Variants in DMXL2 observed in about 807,000 individuals in gnomAD.
DMXL2 encodes the protein dmX-like protein 2.
DMXL2 carries 103 observed loss-of-function variants against 331.1 expected under a neutral mutation model. The observed-to-expected ratio is 0.31, with a 90% CI of 0.27 to 0.37. The LOEUF (loss-of-function observed/expected upper bound fraction) is 0.37. Ranked by LOEUF, DMXL2 falls within the 10% of genes least tolerant of loss-of-function variation. The pLI is 1.00. For synonymous variants in DMXL2, 1,281 were observed against 1,252.1 expected (o/e 1.02, Z -0.49); for missense variants, 3,171 against 3,642.9 (o/e 0.87, Z 3.33).
intron 1 of DMXL2, among the ~76,000 whole-genome samples, chr15:51,618,035 C>G (rs574560666): frequency 6.6e-6 from 1 of 152,294 alleles, no homozygotes; most frequent in South Asian, 2.1e-4. Context: ...TCTTAGAAAA[C>G]AAGTCCATTC....
chr15:51,558,137 C>T (rs2049720776), intron 6 of DMXL2, among the ~76,000 whole-genome samples: 2 of 152,142 alleles, frequency 1.3e-5, no homozygotes, highest in Admixed American at 1.3e-4. Context: ...CCCTCACCTG[C>T]CTTCAAATGA....
At chr15:51,565,223 T>C (rs1002114190) in intron 3 of DMXL2, 57 bp from the exon 4 acceptor site, 1 of 1,169,028 alleles carries the variant, frequency 8.6e-7, no homozygotes, top group Non-Finnish European at 1.2e-6. Flanking sequence ...TTTCAAATAA[T>C]ATCCCAAAAC....
At chr15:51,555,691 T>C (rs1003679602) in intron 6 of DMXL2, among the ~76,000 whole-genome samples, 2 of 152,180 alleles carry the variant, frequency 1.3e-5, no homozygotes, top group Admixed American at 6.5e-5. Context: ...ACATGTATTA[T>C]AGATATTAAA....
chr15:51,518,605 A>G lies in DMXL2; in HGVS notation c.2437-1438T>C, dbSNP rs532504563. ...TAAAGTTTAAGAAGGACTGCTGTAG[A>G]TCACTGGTTCTCAATCTTGGCTGCA... On this transcript the variant is annotated intron_variant, in intron 13 of 43. Transcript: ENST00000560891. Among the ~76,000 whole-genome samples the G allele has an allele frequency of 2.0e-5, 3 of 152,304 alleles. No individual in the cohort carries two copies. The East Asian group carries it at 5.8e-4, about 29-fold the overall frequency.
intron 7 of DMXL2, among the ~76,000 whole-genome samples, chr15:51,547,001 G>A (rs2048926094): frequency 6.6e-6 from 1 of 152,076 alleles, no homozygotes; most frequent in African/African-American, 2.4e-5. Context: ...GTAACTCTCT[G>A]AGGTAGGTAC....
chr15:51,528,913 C>A (rs1701265506), intron 13 of DMXL2, among the ~76,000 whole-genome samples: 1 of 152,126 alleles, frequency 6.6e-6, no homozygotes, highest in African/African-American at 2.4e-5. Flanking sequence ...CAAGCATCTT[C>A]TCTGACCACA....
At chr15:51,537,887 AAAGG>A in intron 10 of DMXL2, 128 bp from the exon 11 acceptor site, 2 of 1,151,160 alleles carry the variant, frequency 1.7e-6, no homozygotes, top group Non-Finnish European at 2.4e-6. Flanking sequence ...AAAAAAAAAC[AAAGG>A]AAACTTTTGT....
At chr15:51,557,101 C>T (rs1477178161) in intron 6 of DMXL2, among the ~76,000 whole-genome samples, 1 of 151,550 alleles carries the variant, frequency 6.6e-6, no homozygotes, top group Non-Finnish European at 1.5e-5. Context: ...AGATGAACTA[C>T]AGCTTTCATT....
chr15:51,452,130 T>C (rs569832273), intron 41 of DMXL2, among the ~76,000 whole-genome samples: 1 of 152,132 alleles, frequency 6.6e-6, no homozygotes, highest in Non-Finnish European at 1.5e-5. Flanking sequence ...TCTCTCACCT[T>C]ATACAAAAAT....
At chr15:51,485,791 C>G (rs187459280) in intron 23 of DMXL2, among the ~76,000 whole-genome samples, 5 of 151,968 alleles carry the variant, frequency 3.3e-5, no homozygotes, top group Non-Finnish European at 4.4e-5. Context: ...CAAACCAATA[C>G]GTGTAACAGC....
In DMXL2 at chr15:51,536,378, C is replaced by A. The variant is rs373506145; in HGVS notation, c.2102G>T (p.Gly701Val). 1.5e-5 allele frequency: 24 copies of A among 1,613,438 alleles called. No individual in the cohort carries two copies. In the African/African-American group the frequency reaches 2.7e-4, roughly 18 times the overall value. ...ATTTCTAAGAGGTTGTTTCGAGGAA[C>A]CTTTTATATGTTTTACAGGGTCCAT... ...RLMDPVKHIK[G>V]SSKQPLRNAA... The change falls in exon 12 of 44, where the codon GGT (glycine) becomes GTT (valine). Residue 701 changes from glycine (G) to valine (V), a missense_variant. Coordinates refer to ENST00000560891, the MANE Select transcript of DMXL2 (RefSeq NM_001378457.1).
Position 51,502,772 on chromosome 15 carries a change from GAGCTACCACTGCCC to G in DMXL2, c.2992+20_2992+33del. 1 of 1,438,084 alleles carries G rather than the reference GAGCTACCACTGCCC, an allele frequency of 7.0e-7. No homozygotes were observed. The highest frequency in any genetic ancestry group is 9.8e-7 in the Non-Finnish European group (1 of 1,020,290). The allele number at this position is 1,438,084 out of a possible 1,614,324, so 89.1% of individuals were successfully genotyped here. A position where few individuals can be genotyped will look rare whatever the true frequency, so the allele number is the denominator to read the frequency against. On this transcript the variant is annotated intron_variant, in intron 17 of 43. Transcript: ENST00000560891. The stretch of plus-strand genomic sequence containing the variant: ...AAGAGTTCATATATTTTATCACTCT[GAGCTACCACTGCCC>G]AGTCTTAAAGTGACCTTACCTGCTG...
chr15:51,576,183 T>TTAAAAAAAAAA lies in DMXL2; in HGVS notation c.88-3_88-2insTTTTTTTTTTA. ...AATATCACAGCCTGATCCATATGCC[T>TTAAAAAAAAAA]AAAAAAAAAAAAAAAAAAAAGTTTT... On this transcript the variant is annotated splice_region_variant and splice_polypyrimidine_tract_variant and intron_variant, in intron 1 of 43. Transcript: ENST00000560891. 4.8e-6 allele frequency: 3 copies of TTAAAAAAAAAA among 626,284 alleles called. No homozygotes were observed. Among genetic ancestry groups the TTAAAAAAAAAA allele is most frequent in the Non-Finnish European group, 6.1e-6 (3 of 493,546 alleles). 38.8% of individuals were successfully genotyped at this position (626,284 alleles called of 1,614,324 possible). A position where few individuals can be genotyped will look rare whatever the true frequency, so the allele number is the denominator to read the frequency against.
At chr15:51,556,423 T>C (rs1375745382) in intron 6 of DMXL2, among the ~76,000 whole-genome samples, 3 of 150,710 alleles carry the variant, frequency 2.0e-5, no homozygotes, top group African/African-American at 7.3e-5. Context: ...GAAGTTGGGA[T>C]TGTTCCAGGA....
Position 51,480,012 on chromosome 15 carries a change from T to C in DMXL2, c.6692A>G (p.His2231Arg), listed in dbSNP as rs756919423. 56 of 1,591,912 alleles carry C rather than the reference T, an allele frequency of 3.5e-5. No individual in the cohort carries two copies. Among genetic ancestry groups the C allele is most frequent in the Non-Finnish European group, 4.8e-5 (56 of 1,162,900 alleles). ...CTGAACAATAGTATAAAGTATATCATGGATGTGATTATTTAAGTACAATAC... is the reference window on the plus strand; with the variant it reads ...CTGAACAATAGTATAAAGTATATCACGGATGTGATTATTTAAGTACAATAC... ...NPVLYLNNHI[H>R]DILYTIVQMK... Residue 2231 changes from histidine (H) to arginine (R), a missense_variant, in exon 25 of 44, where the codon CAT (histidine) becomes CGT (arginine). This residue lies in a region of DMXL2 where 197 missense variants were observed against 196.2 expected (regional missense o/e 1.00). Transcript: ENST00000560891.
chr15:51,504,881 ATT>A lies in DMXL2; in HGVS notation c.2765-1850_2765-1849del, dbSNP rs1168230010. On this transcript the variant is annotated intron_variant, in intron 16 of 43. Coordinates refer to ENST00000560891, the MANE Select transcript of DMXL2 (RefSeq NM_001378457.1). ...CATTTCTCTTCCTGTAAATCATACT[ATT>A]TTCTAACATATATCTCATGCTAAGA... Among the ~76,000 whole-genome samples, 3 of 152,156 alleles carry A rather than the reference ATT, an allele frequency of 2.0e-5. No homozygotes were observed. The South Asian group carries it at 6.2e-4, about 32-fold the overall frequency.
chr15:51,576,964 TA>T, intron 1 of DMXL2, among the ~76,000 whole-genome samples: 1 of 152,196 alleles, frequency 6.6e-6, no homozygotes, highest in East Asian at 1.9e-4. Flanking sequence ...CTCTAATGAG[TA>T]AAACCACACA....
At chr15:51,587,246 C>T (rs1281229923) in intron 1 of DMXL2, among the ~76,000 whole-genome samples, 1 of 152,100 alleles carries the variant, frequency 6.6e-6, no homozygotes, top group Non-Finnish European at 1.5e-5. Context: ...TATACATGTG[C>T]CATGTTGGTG....
At chr15:51,581,644 CTG>C (rs1400289386) in intron 1 of DMXL2, among the ~76,000 whole-genome samples, 1 of 152,190 alleles carries the variant, frequency 6.6e-6, no homozygotes, top group East Asian at 1.9e-4. Context: ...CCCACAAACA[CTG>C]TTCTAATTTC....
Sources: gnomAD v4.1 joint callset for allele counts (sites outside exome capture counted in the v4.1 genomes callset) on GRCh38, gnomAD v4.1.1 for gene constraint, gnomAD v4.1.1 regional missense constraint, MANE v1.5 for transcripts, NCBI Gene and HGNC (gene_info 2026-07-23, HGNC 2026-07-21) for gene names.